The following TRPM7 variants were observed in gnomAD, a reference collection of about 807,000 sequenced individuals.
TRPM7 encodes transient receptor potential cation channel subfamily M member 7.
A neutral mutation model predicts 229.7 loss-of-function variants in TRPM7; 134 were observed. The ratio of observed to expected loss-of-function variants is 0.58; its 90% CI spans 0.51 to 0.67. The LOEUF (loss-of-function observed/expected upper bound fraction) is 0.67, where lower values mean the gene tolerates loss of function less well. TRPM7 is among the 30% of genes least tolerant of loss of function. The pLI is 0.00. For synonymous variants in TRPM7, 699 were observed against 715.2 expected (o/e 0.98, Z 0.36); for missense variants, 1,901 against 2,210.0 (o/e 0.86, Z 2.80).
At chr15:50,666,165 T>G (rs2061874586) in intron 1 of TRPM7, among the ~76,000 whole-genome samples, 2 of 151,738 alleles carry the variant, frequency 1.3e-5, no homozygotes, top group South Asian at 4.2e-4. Flanking sequence ...GGTTCTTAGG[T>G]TAACAAAATT....
Position 50,648,681 on chromosome 15 carries a change from A to G in TRPM7, c.321+6T>C. The G allele has an allele frequency of 1.3e-6, 2 of 1,585,300 alleles. No homozygotes were observed. Among genetic ancestry groups the G allele is most frequent in the Non-Finnish European group, 1.7e-6 (2 of 1,166,080 alleles). On this transcript the variant is annotated splice_donor_region_variant and intron_variant, in intron 4 of 38. Transcript: ENST00000646667. ...TAAATGAAGAAAAATCCAATATGTG[A>G]CATACCTTAGCTCTGTAGGAATGAG...
intron 38 of TRPM7, among the ~76,000 whole-genome samples, chr15:50,569,215 A>T (rs756295288): frequency 6.6e-6 from 1 of 151,910 alleles, no homozygotes; most frequent in Non-Finnish European, 1.5e-5. Context: ...ATTTTTTTTT[A>T]AAGTTCCACA....
chr15:50,648,616 T>C, intron 4 of TRPM7, 71 bp downstream of exon 4: 1 of 1,402,324 alleles, frequency 7.1e-7, no homozygotes, highest in East Asian at 2.4e-5. Context: ...TTGTCAATAT[T>C]GCTACACAAA....
intron 3 of TRPM7, among the ~76,000 whole-genome samples, chr15:50,654,065 G>A (rs1473011800): frequency 1.3e-5 from 2 of 152,106 alleles, no homozygotes; most frequent in African/African-American, 4.8e-5. Context: ...ATGGACAAAA[G>A]AATCTATCAA....
chr15:50,670,044 GT>G (rs1198331852), intron 1 of TRPM7, among the ~76,000 whole-genome samples: 1 of 152,170 alleles, frequency 6.6e-6, no homozygotes, highest in Non-Finnish European at 1.5e-5. Flanking sequence ...CAGATATCAT[GT>G]TTTGTCAGAA....
chr15:50,681,865 T>G (rs1439451193), intron 1 of TRPM7, among the ~76,000 whole-genome samples: 1 of 152,116 alleles, frequency 6.6e-6, no homozygotes, highest in Non-Finnish European at 1.5e-5. Context: ...TCATTTGCCT[T>G]TTACAGATTG....
In TRPM7 at chr15:50,628,558, G is replaced by A. The variant is rs146783382; in HGVS notation, c.1205-309C>T. ...CGGCCTCAAGTGATCCTGCCACTTC[G>A]GCCTCCCAGTGTGCTAGGATTACAA... On this transcript the variant is annotated intron_variant, in intron 10 of 38. Coordinates refer to ENST00000646667, the MANE Select transcript of TRPM7 (RefSeq NM_017672.6). Among the ~76,000 whole-genome samples, 627 of 152,074 alleles carry A rather than the reference G, an allele frequency of 4.1e-3. 5 individuals carry two copies. Among genetic ancestry groups the A allele is most frequent in the African/African-American group, 0.014 (590 of 41,486 alleles).
chr15:50,600,286 AC>A (rs2059743086), intron 21 of TRPM7, among the ~76,000 whole-genome samples: 1 of 151,986 alleles, frequency 6.6e-6, no homozygotes, highest in African/African-American at 2.4e-5. Context: ...AAAATATAAA[AC>A]TTAGCCGGGC....
intron 21 of TRPM7, among the ~76,000 whole-genome samples, chr15:50,603,564 T>C (rs4261470): frequency 0.03 from 4,496 of 151,892 alleles, 242 homozygotes; most frequent in African/African-American, 0.1. Context: ...CATGCGGTGT[T>C]TGGTTTTCTG....
At chr15:50,669,233 G>C (rs2061941120) in intron 1 of TRPM7, among the ~76,000 whole-genome samples, 1 of 151,988 alleles carries the variant, frequency 6.6e-6, no homozygotes, top group African/African-American at 2.4e-5. Context: ...CCTGAGGTCT[G>C]GAGTTCGAGA....
In TRPM7 at chr15:50,678,884, A is replaced by T. The variant is rs200407530; in HGVS notation, c.3+7647T>A. Reference sequence around the variant, plus strand: ...CATCTTTGCAAAAACAAAAAAAAAAATTTTTTTGAGACGAAGTCTCGCTCT... The same window carrying T: ...CATCTTTGCAAAAACAAAAAAAAAATTTTTTTTGAGACGAAGTCTCGCTCT... On this transcript the variant is annotated intron_variant, in intron 1 of 38. Coordinates refer to ENST00000646667, the MANE Select transcript of TRPM7 (RefSeq NM_017672.6). Among the ~76,000 whole-genome samples the T allele has an allele frequency of 3.2e-3, 360 of 113,544 alleles. 1 individual carries two copies. Among genetic ancestry groups the T allele is most frequent in the African/African-American group, 0.01 (327 of 31,608 alleles). 74.5% of individuals were successfully genotyped at this position (113,544 alleles called of 152,430 possible).
intron 30 of TRPM7, among the ~76,000 whole-genome samples, chr15:50,580,127 C>T (rs2140298805): frequency 6.6e-6 from 1 of 152,288 alleles, no homozygotes; most frequent in Middle Eastern, 3.4e-3. Context: ...TAATAATTTC[C>T]CCCAAATTGG....
intron 26 of TRPM7, among the ~76,000 whole-genome samples, chr15:50,591,700 G>A (rs549292593): frequency 2.6e-5 from 4 of 152,106 alleles, no homozygotes; most frequent in African/African-American, 9.6e-5. Context: ...GTCTTGCTAT[G>A]TTGCTCAGGC....
chr15:50,614,407 G>A, intron 13 of TRPM7, 144 bp from the exon 14 acceptor site: 1 of 714,032 alleles, frequency 1.4e-6, no homozygotes, highest in East Asian at 3.0e-5. Flanking sequence ...GCTCACGCCT[G>A]TAATCCCAAC....
chr15:50,655,824 T>C (rs1431399750), intron 3 of TRPM7, among the ~76,000 whole-genome samples: 1 of 152,062 alleles, frequency 6.6e-6, no homozygotes, highest in South Asian at 2.1e-4. Flanking sequence ...ACCCCATCTA[T>C]ACTAAAAGTA....
intron 5 of TRPM7, 76 bp from the exon 6 acceptor site, chr15:50,639,624 T>TGGCGCAATGAC: frequency 7.2e-7 from 1 of 1,389,836 alleles, no homozygotes; most frequent in Non-Finnish European, 9.8e-7. Flanking sequence ...AAGAGAGCAG[T>TGGCGCAATGAC]GGCGCAATGA....
chr15:50,603,647 C>T (rs574533798), intron 21 of TRPM7, among the ~76,000 whole-genome samples: 179 of 152,162 alleles, frequency 1.2e-3, no homozygotes, highest in Non-Finnish European at 1.3e-3. Context: ...TGAACTCATC[C>T]TTTTTTGTGG....
chr15:50,636,900 C>T (rs1288418298), intron 7 of TRPM7, among the ~76,000 whole-genome samples: 1 of 151,986 alleles, frequency 6.6e-6, no homozygotes, highest in Non-Finnish European at 1.5e-5. Context: ...GAGGCCGAGA[C>T]GGGCAGATCA....
chr15:50,653,284 T>G (rs181715541), intron 3 of TRPM7, among the ~76,000 whole-genome samples: 64 of 152,298 alleles, frequency 4.2e-4, no homozygotes, highest in African/African-American at 1.5e-3. Context: ...GACCCCGTTC[T>G]CCACAAAAAG....
Sources: gnomAD v4.1 joint callset for allele counts (sites outside exome capture counted in the v4.1 genomes callset) on GRCh38, gnomAD v4.1.1 for gene constraint, MANE v1.5 for transcripts, NCBI Gene and HGNC (gene_info 2026-07-23, HGNC 2026-07-21) for gene names.